PDZD2: variants seen among roughly 807,000 people sequenced by gnomAD.
PDZD2 encodes the protein PDZ domain containing 2.
Under a neutral mutation model 220.7 loss-of-function variants are expected in PDZD2, and 90 were observed. The observed-to-expected ratio is 0.41, with a 90% CI of 0.34 to 0.49. The LOEUF (loss-of-function observed/expected upper bound fraction) is 0.49, where lower values mean the gene tolerates loss of function less well. Among genes scored for constraint, PDZD2 ranks in the 20% least tolerant of loss-of-function variants. PDZD2 has a pLI of 0.28. For synonymous variants in PDZD2, 1,375 were observed against 1,450.5 expected (o/e 0.95, Z 1.18); for missense variants, 3,174 against 3,608.5 (o/e 0.88, Z 3.08).
chr5:32,097,389 CAG>C lies in PDZD2; in HGVS notation c.7947+12_7947+13del, dbSNP rs1190556852. ...AGCCAAAATCAATCACGGTAAGTGACAGAGTCATTAGGCTCTCAGGAAAATCC... is the reference window on the plus strand; with the variant it reads ...AGCCAAAATCAATCACGGTAAGTGACAGTCATTAGGCTCTCAGGAAAATCC... On this transcript the variant is annotated intron_variant, in intron 22 of 24. Coordinates refer to ENST00000438447, the MANE Select transcript of PDZD2 (RefSeq NM_178140.4). The C allele has an allele frequency of 1.9e-6, 3 of 1,544,214 alleles. No homozygotes were observed. The highest frequency in any genetic ancestry group is 1.7e-4 in the Middle Eastern group (1 of 5,938).
intron 2 of PDZD2, among the ~76,000 whole-genome samples, chr5:31,908,082 C>T (rs1479461379): frequency 3.9e-5 from 3 of 76,886 alleles, no homozygotes; most frequent in Non-Finnish European, 4.4e-5. Flanking sequence ...GGCTCCGTCT[C>T]AAAAAAAAAA....
intron 14 of PDZD2, among the ~76,000 whole-genome samples, chr5:32,065,020 C>T (rs1360471454): frequency 2.7e-5 from 4 of 147,862 alleles, no homozygotes; most frequent in Non-Finnish European, 6.0e-5. Context: ...TACCTCTTGG[C>T]CGGGTGCAGT....
chr5:31,922,903 C>T (rs998081610), intron 2 of PDZD2, among the ~76,000 whole-genome samples: 2 of 137,218 alleles, frequency 1.5e-5, no homozygotes, highest in Non-Finnish European at 3.1e-5. Flanking sequence ...TGGTCTTGAA[C>T]TCCTGACCTC....
chr5:31,752,581 GTT>G (rs11342582), intron 1 of PDZD2, among the ~76,000 whole-genome samples: 72 of 150,524 alleles, frequency 4.8e-4, no homozygotes, highest in African/African-American at 1.6e-3. Context: ...TAAAATAGGC[GTT>G]TTTTTTTCCC....
chr5:32,108,074 T>TGAA lies in PDZD2; in HGVS notation c.8461_8463dup (p.Lys2821dup), dbSNP rs1456076902. ...ATGCACTTTGATGCCTGGAATATTA[T>TGAA]GAAGTCTGTCCCAGAAGGACCTGTG... is the stretch of plus-strand genomic sequence containing the variant. On this transcript the variant is annotated inframe_insertion, in exon 25 of 25. Coordinates refer to ENST00000438447, the MANE Select transcript of PDZD2 (RefSeq NM_178140.4). 6.2e-7 allele frequency: 1 copy of TGAA among 1,611,556 alleles called. No homozygotes were observed. The highest frequency in any genetic ancestry group is 8.5e-7 in the Non-Finnish European group (1 of 1,177,786).
chr5:31,939,257 G>C (rs1746018583), intron 2 of PDZD2, among the ~76,000 whole-genome samples: 1 of 152,170 alleles, frequency 6.6e-6, no homozygotes, highest in Non-Finnish European at 1.5e-5. Flanking sequence ...GGTTGGCTCT[G>C]AATTTAGAGA....
intron 2 of PDZD2, among the ~76,000 whole-genome samples, chr5:31,958,011 A>G (rs962902933): frequency 1.3e-5 from 2 of 152,232 alleles, no homozygotes; most frequent in Non-Finnish European, 2.9e-5. Context: ...GAAATTTTAT[A>G]CCATTTAAAT....
chr5:31,929,499 C>G (rs1430305302), intron 2 of PDZD2, among the ~76,000 whole-genome samples: 2 of 152,200 alleles, frequency 1.3e-5, no homozygotes, highest in Non-Finnish European at 2.9e-5. Context: ...TCCTGTGGGG[C>G]AATATCTTCC....
intron 2 of PDZD2, among the ~76,000 whole-genome samples, chr5:31,961,592 T>G (rs1358240518): frequency 6.6e-6 from 1 of 152,136 alleles, no homozygotes; most frequent in Non-Finnish European, 1.5e-5. Flanking sequence ...AAGAAAAGAA[T>G]AGCATAAGGA....
chr5:32,071,420 T>C lies in PDZD2; in HGVS notation c.2568+2T>C. 6.2e-7 allele frequency: 1 copy of C among 1,606,740 alleles called. No homozygotes were observed. The highest frequency in any genetic ancestry group is 8.5e-7 in the Non-Finnish European group (1 of 1,173,300). On this transcript the variant is annotated splice_donor_variant, in intron 16 of 24. Coordinates refer to ENST00000438447, the MANE Select transcript of PDZD2 (RefSeq NM_178140.4). LOFTEE classifies it high-confidence loss of function. ...AAGAGTCCCTCTCTTGCAAAAAAGG[T>C]GAGTCAAGGTGAACTGCTACCTGCC...
chr5:31,956,546 CAA>C (rs201323301), intron 2 of PDZD2, among the ~76,000 whole-genome samples: 2 of 92,014 alleles, frequency 2.2e-5, no homozygotes, highest in Non-Finnish European at 4.4e-5. Flanking sequence ...GACTCTGTCT[CAA>C]AAAAAAAAAA....
chr5:31,729,386 C>T lies in PDZD2; in HGVS notation c.-360-69503C>T, dbSNP rs1265355065. Among the ~76,000 whole-genome samples the T allele has an allele frequency of 1.1e-3, 166 of 152,252 alleles. 4 individuals are homozygous for T. Among genetic ancestry groups the T allele is most frequent in the Admixed American group, 0.01 (157 of 15,290 alleles). On this transcript the variant is annotated intron_variant, in intron 1 of 24. Transcript: ENST00000438447. ...TGCTGGGATTACAGGCATGAGCCAC[C>T]GTGCCCGGCCGAGAGATAGAAATCT...
chr5:31,656,109 C>T (rs1337137043), intron 1 of PDZD2, among the ~76,000 whole-genome samples: 15 of 152,198 alleles, frequency 9.9e-5, no homozygotes, highest in Non-Finnish European at 8.8e-5. Context: ...GAGCATCCGA[C>T]TTTTGTCTCT....
rs201029053 is a variant in PDZD2 at position 31,670,409 on chromosome 5, G to GTTTATTTTAT, written c.-361+30988_-361+30997dup. On this transcript the variant is annotated intron_variant, in intron 1 of 24. Coordinates refer to ENST00000438447, the MANE Select transcript of PDZD2 (RefSeq NM_178140.4). The stretch of plus-strand genomic sequence containing the variant: ...GAGCAAAATACTTGTCTTAGTTTGC[G>GTTTATTTTAT]TTTATTTTATTTTATTTTATTTTAT... 1.3e-4 allele frequency among the ~76,000 whole-genome samples: 19 copies of GTTTATTTTAT among 151,912 alleles called. No homozygotes were observed. In the East Asian group the frequency reaches 2.5e-3, roughly 20 times the overall value.
At chr5:31,950,172 C>T (rs1205957449) in intron 2 of PDZD2, among the ~76,000 whole-genome samples, 3 of 152,134 alleles carry the variant, frequency 2.0e-5, no homozygotes, top group Non-Finnish European at 4.4e-5. Flanking sequence ...ATAGGTTGTG[C>T]CTGAAACTAT....
Position 31,946,445 on chromosome 5 carries a change from T to A in PDZD2, c.477-36710T>A, listed in dbSNP as rs975284099. Among the ~76,000 whole-genome samples, 12 of 152,260 alleles carry A rather than the reference T, an allele frequency of 7.9e-5. No homozygotes were observed. In the South Asian group the frequency reaches 2.5e-3, roughly 32 times the overall value. On this transcript the variant is annotated intron_variant, in intron 2 of 24. Coordinates refer to ENST00000438447, the MANE Select transcript of PDZD2 (RefSeq NM_178140.4). ...ACAGATTGTTGGGCCCTCCGGCGGG[T>A]CTGGGTGGGGTCTAGAGTCATATTT...
At chr5:31,933,382 C>T (rs376997445) in intron 2 of PDZD2, among the ~76,000 whole-genome samples, 2 of 152,130 alleles carry the variant, frequency 1.3e-5, no homozygotes, top group African/African-American at 2.4e-5. Context: ...GTGGACAGTG[C>T]TGCTACAAAT....
At chr5:31,745,839 A>G (rs1750578575) in intron 1 of PDZD2, among the ~76,000 whole-genome samples, 1 of 149,384 alleles carries the variant, frequency 6.7e-6, no homozygotes, top group South Asian at 2.1e-4. Context: ...TAATATTAAG[A>G]AATAATGGGT....
intron 2 of PDZD2, among the ~76,000 whole-genome samples, chr5:31,830,211 G>A (rs186344325): frequency 1.3e-4 from 20 of 149,880 alleles, no homozygotes; most frequent in Non-Finnish European, 1.9e-4. Context: ...TGCCGCCCAG[G>A]CTGGAGTGCA....
Sources: gnomAD v4.1 joint callset for allele counts (sites outside exome capture counted in the v4.1 genomes callset) on GRCh38, gnomAD v4.1.1 for gene constraint, MANE v1.5 for transcripts, NCBI Gene and HGNC (gene_info 2026-07-23, HGNC 2026-07-21) for gene names.